Variants in GDA observed in about 807,000 individuals in gnomAD.
GDA encodes the protein cytoplasmic PSD-95 interactor.
Under a neutral mutation model 59.6 loss-of-function variants are expected in GDA, and 18 were observed. The observed-to-expected ratio is 0.30, with a 90% CI of 0.21 to 0.45. GDA has a LOEUF of 0.45. Among genes scored for constraint, GDA ranks in the 20% least tolerant of loss-of-function variants. GDA has a pLI of 1.00. For synonymous variants in GDA, 201 were observed against 201.1 expected (o/e 1.00, Z 0.00); for missense variants, 427 against 552.3 (o/e 0.77, Z 2.27).
rs201124130 is a variant in GDA, at chr9:72,163,497, C to CT, written c.123+13829dup. On this transcript the variant is annotated intron_variant, in intron 1 of 13. Transcript: ENST00000358399. ...AGTGACAGTAACAGGTAAAATTATTCTTTTTTTTTTTTTTGGACTGAGTCT... is the reference window on the plus strand; with the variant it reads ...AGTGACAGTAACAGGTAAAATTATTCTTTTTTTTTTTTTTTGGACTGAGTCT... Among the ~76,000 whole-genome samples, 1,373 of 143,226 alleles carry CT rather than the reference C, an allele frequency of 9.6e-3. 5 individuals carry two copies. The highest frequency in any genetic ancestry group is 0.024 in the African/African-American group (931 of 39,176). The allele number at this position is 143,226 out of a possible 152,430, so 94.0% of individuals were successfully genotyped here.
chr9:72,148,494 G>A (rs1826794866), upstream of GDA, among the ~76,000 whole-genome samples: 1 of 152,176 alleles, frequency 6.6e-6, no homozygotes, highest in Non-Finnish European at 1.5e-5. Flanking sequence ...CAGGAAAGGT[G>A]ACTCCGAAGA....
At chr9:72,193,945 C>T (rs543599308) in intron 1 of GDA, 4 of 152,512 alleles carry the variant, frequency 2.6e-5, no homozygotes, top group African/African-American at 9.6e-5. Context: ...CCTGGAAGTC[C>T]TGCCAGACTA....
At chr9:72,149,767 G>A (rs1306226084) in intron 1 of GDA, 85 bp downstream of exon 1, 4 of 1,385,500 alleles carry the variant, frequency 2.9e-6, no homozygotes, top group Non-Finnish European at 2.9e-6. Flanking sequence ...GTAGCCCGGG[G>A]TTCGCTCGGT....
chr9:72,179,585 C>T (rs747480792), intron 1 of GDA, among the ~76,000 whole-genome samples: 7 of 152,088 alleles, frequency 4.6e-5, no homozygotes, highest in Non-Finnish European at 1.0e-4. Context: ...GTTTTCCTGT[C>T]GATTTATTAG....
downstream of GDA, among the ~76,000 whole-genome samples, chr9:72,259,268 C>G (rs568132392): frequency 6.6e-6 from 1 of 152,206 alleles, no homozygotes; most frequent in African/African-American, 2.4e-5. Context: ...TGTGATCCTC[C>G]CACCTCGGCC....
chr9:72,234,076 T>G (rs1229283237), intron 10 of GDA, among the ~76,000 whole-genome samples: 1 of 152,176 alleles, frequency 6.6e-6, no homozygotes, highest in Non-Finnish European at 1.5e-5. Context: ...ATTCATATAA[T>G]GAAATATTAT....
chr9:72,239,600 C>T (rs1233437640), intron 10 of GDA, among the ~76,000 whole-genome samples: 1 of 151,992 alleles, frequency 6.6e-6, no homozygotes, highest in Non-Finnish European at 1.5e-5. Flanking sequence ...AATTTTTATT[C>T]CACCTTTATT....
At chr9:72,147,499 C>G (rs1244302372), upstream of GDA, among the ~76,000 whole-genome samples, 2 of 152,220 alleles carry the variant, frequency 1.3e-5, no homozygotes, top group Non-Finnish European at 1.5e-5. Context: ...CCATCGTGCC[C>G]AGCCAGAAGC....
At chr9:72,195,801 A>C (rs555437863) in intron 2 of GDA, among the ~76,000 whole-genome samples, 1 of 152,366 alleles carries the variant, frequency 6.6e-6, no homozygotes, top group East Asian at 1.9e-4. Flanking sequence ...GCCATCATTC[A>C]TCAATTTCTT....
rs569492934 is a variant in GDA at position 72,135,783 on chromosome 9, G to A, written c.-100+20950G>A. On this transcript the variant is annotated intron_variant, in intron 1 of 13. Transcript: ENST00000545168. Reference sequence around the variant, plus strand: ...CCCCCACTATGCCTAGCTAATTTTCGTGTCTTCAGTGGAGACGGGGTTTTA... The same window carrying A: ...CCCCCACTATGCCTAGCTAATTTTCATGTCTTCAGTGGAGACGGGGTTTTA... 1.4e-4 allele frequency among the ~76,000 whole-genome samples: 21 copies of A among 152,048 alleles called. 1 individual carries two copies. The South Asian group carries it at 2.1e-3, about 15-fold the overall frequency.
chr9:72,255,687 C>T (rs998281923), downstream of GDA, among the ~76,000 whole-genome samples: 3 of 152,296 alleles, frequency 2.0e-5, no homozygotes, highest in East Asian at 1.9e-4. Context: ...GCATCATAAA[C>T]GTGTCCTGGC....
chr9:72,219,621 G>C, intron 6 of GDA, 115 bp downstream of exon 6: 1 of 673,674 alleles, frequency 1.5e-6, no homozygotes, highest in Non-Finnish European at 2.5e-6. Context: ...CATGCATGTA[G>C]AAGTATTTAC....
intron 1 of GDA, among the ~76,000 whole-genome samples, chr9:72,169,266 TGCAAG>T (rs1829681564): frequency 6.6e-6 from 1 of 152,216 alleles, no homozygotes; most frequent in Admixed American, 6.5e-5. Context: ...GAGAGGAATT[TGCAAG>T]GCAAGTAGGT....
intron 10 of GDA, among the ~76,000 whole-genome samples, chr9:72,234,111 A>T (rs193228147): frequency 1.4e-3 from 212 of 152,270 alleles, no homozygotes; most frequent in Non-Finnish European, 2.6e-3. Flanking sequence ...CACACTACAG[A>T]TATATGCAAA....
chr9:72,224,806 ACC>A (rs1837349105), intron 7 of GDA, among the ~76,000 whole-genome samples: 2 of 121,400 alleles, frequency 1.6e-5, no homozygotes, highest in Non-Finnish European at 3.4e-5. Flanking sequence ...ATCTAGCCCA[ACC>A]CTTTTTTTTT....
rs572554497 is a variant in GDA at position 72,169,557 on chromosome 9, A to C, written c.123+19875A>C. 1.2e-4 allele frequency among the ~76,000 whole-genome samples: 19 copies of C among 152,260 alleles called. 1 individual carries two copies. The South Asian group carries it at 1.9e-3, about 15-fold the overall frequency. ...CTGAATGCATGCTTTCTCCATGTCC[A>C]CTCTAATTTCTTTGCAGGTTCGTAT... On this transcript the variant is annotated intron_variant, in intron 1 of 13. Coordinates refer to ENST00000358399, the MANE Select transcript of GDA (RefSeq NM_004293.5).
Position 72,168,390 on chromosome 9 carries a change from CT to C in GDA, c.123+18730del, listed in dbSNP as rs77778231. Among the ~76,000 whole-genome samples, 259 of 105,908 alleles carry C rather than the reference CT, an allele frequency of 2.4e-3. 1 individual carries two copies. Among genetic ancestry groups the C allele is most frequent in the Middle Eastern group, 0.011 (2 of 182 alleles). The allele number at this position is 105,908 out of a possible 152,430, so 69.5% of individuals were successfully genotyped here. On this transcript the variant is annotated intron_variant, in intron 1 of 13. Coordinates refer to ENST00000358399, the MANE Select transcript of GDA (RefSeq NM_004293.5). ...ACTGGGCAACACACTGAGACTTTGT[CT>C]TTTTTTTTTTTTTTTTTTTTTGAGA...
intron 5 of GDA, among the ~76,000 whole-genome samples, chr9:72,216,676 A>G (rs1836166856): frequency 7.0e-6 from 1 of 143,790 alleles, no homozygotes; most frequent in East Asian, 2.4e-4. Context: ...AGTAGGAAAA[A>G]CTATTTTTTT....
chr9:72,205,110 CAAAAA>C (rs71357549), intron 3 of GDA, among the ~76,000 whole-genome samples: 4 of 86,182 alleles, frequency 4.6e-5, no homozygotes, highest in African/African-American at 9.3e-5. Context: ...GACTCTGTCT[CAAAAA>C]AAAAAAAAAA....
Sources: allele counts gnomAD v4.1 joint callset (sites outside exome capture counted in the v4.1 genomes callset), GRCh38; gene constraint gnomAD v4.1.1; transcripts MANE v1.5; gene names NCBI Gene and HGNC (gene_info 2026-07-23, HGNC 2026-07-21).